The following ASIC2 variants were observed in gnomAD, a reference collection of about 807,000 sequenced individuals.
ASIC2 encodes the protein acid sensing ion channel subunit 2, also known as acid-sensing ion channel 2.
ASIC2 carries 25 observed loss-of-function variants against 57.3 expected under a neutral mutation model. The observed-to-expected ratio is 0.44, with a 90% CI of 0.32 to 0.61. The LOEUF (loss-of-function observed/expected upper bound fraction) is 0.61. ASIC2 is among the 20% of genes least tolerant of loss of function. The probability of loss-of-function intolerance (pLI) is 0.06; values close to 1 mark genes in which losing one functional copy is unlikely to be tolerated. For synonymous variants in ASIC2, 319 were observed against 307.5 expected (o/e 1.04, Z -0.39); for missense variants, 641 against 738.1 (o/e 0.87, Z 1.52).
At chr17:34,026,401 G>T (rs900747422) in intron 1 of ASIC2, among the ~76,000 whole-genome samples, 1 of 152,152 alleles carries the variant, frequency 6.6e-6, no homozygotes, top group Admixed American at 6.5e-5. Context: ...TAGATGATCC[G>T]TGCTCTGCCT....
At chr17:33,257,655 T>G (rs1427091777) in intron 1 of ASIC2, among the ~76,000 whole-genome samples, 1 of 152,174 alleles carries the variant, frequency 6.6e-6, no homozygotes, top group Non-Finnish European at 1.5e-5. Context: ...GGGCTCTCCA[T>G]GCACACAACC....
intron 1 of ASIC2, among the ~76,000 whole-genome samples, chr17:33,397,820 T>TTGATTTGTTGTACAGCAA: frequency 6.6e-6 from 1 of 152,370 alleles, no homozygotes; most frequent in African/African-American, 2.4e-5. Context: ...TCTACAACAC[T>TTGATTTGTTGTACAGCAA]TTGATTTGCT....
At chr17:33,224,495 A>G (rs979727559) in intron 1 of ASIC2, among the ~76,000 whole-genome samples, 2 of 152,198 alleles carry the variant, frequency 1.3e-5, no homozygotes, top group African/African-American at 4.8e-5. Flanking sequence ...CGATCAACAA[A>G]TTGGCTAAAA....
chr17:34,039,224 T>C lies in ASIC2; in HGVS notation c.555+116754A>G, dbSNP rs1050581198. 3.7e-6 allele frequency: 6 copies of C among 1,613,892 alleles called. No homozygotes were observed. In the African/African-American group the frequency reaches 8.0e-5, roughly 22 times the overall value. On this transcript the variant is annotated intron_variant, in intron 1 of 9. Transcript: ENST00000359872. ...TTCTTACTGTTTTCTAGTGCAGATA[T>C]TTTTTCTATTGTGAGGTCGGACTGG...
rs780543137 is a variant in ASIC2, at chr17:33,291,560, G to C, written c.556C>G (p.Arg186Gly). Residue 186 changes from arginine (R) to glycine (G), a missense_variant, in exon 1 of 10, where the codon CGC becomes GGC. Coordinates refer to ENST00000225823, the MANE Select transcript of ASIC2 (RefSeq NM_183377.2). ...AAGAGGCGGAAGTCCGCCAGCTTGC[G>C]GAACCACTGGCGGCGCGGCTCGTCG... Reference protein sequence around the residue: ...RGDEPRRQWFRKLADFRLFLP... With the variant: ...RGDEPRRQWFGKLADFRLFLP... The C allele has an allele frequency of 2.5e-6, 4 of 1,611,738 alleles. No homozygotes were observed. The highest frequency in any genetic ancestry group is 2.2e-5 in the East Asian group (1 of 44,822).
At chr17:33,946,697 A>G (rs1315005343) in intron 1 of ASIC2, among the ~76,000 whole-genome samples, 1 of 152,214 alleles carries the variant, frequency 6.6e-6, no homozygotes, top group African/African-American at 2.4e-5. Flanking sequence ...GTCTAAACCC[A>G]GAGTCAAAAT....
At chr17:33,840,799 C>A (rs988527767) in intron 1 of ASIC2, among the ~76,000 whole-genome samples, 2 of 147,482 alleles carry the variant, frequency 1.4e-5, no homozygotes, top group African/African-American at 5.0e-5. Flanking sequence ...CCTGGACACA[C>A]CACACACACA....
intron 1 of ASIC2, among the ~76,000 whole-genome samples, chr17:33,169,118 A>G (rs957654769): frequency 2.0e-5 from 3 of 152,206 alleles, no homozygotes; most frequent in African/African-American, 7.2e-5. Flanking sequence ...ATTCTAGCAC[A>G]GCATTTTTCT....
intron 1 of ASIC2, among the ~76,000 whole-genome samples, chr17:34,018,468 C>A (rs1907043912): frequency 6.6e-6 from 1 of 152,198 alleles, no homozygotes; most frequent in Admixed American, 6.5e-5. Flanking sequence ...GTAATTGTGA[C>A]TTTCAATTAT....
At chr17:33,331,341 A>G (rs1299388443) in intron 1 of ASIC2, among the ~76,000 whole-genome samples, 4 of 152,210 alleles carry the variant, frequency 2.6e-5, no homozygotes, top group Admixed American at 6.5e-5. Flanking sequence ...CATTGTCCAC[A>G]TAAAGAAACT....
At chr17:33,728,220 T>C (rs9901811) in intron 1 of ASIC2, among the ~76,000 whole-genome samples, 33,183 of 151,928 alleles carry the variant, frequency 0.22, 5,379 homozygotes, top group African/African-American at 0.46. Flanking sequence ...CCCAAGTCCC[T>C]GTAAGTTCAT....
chr17:33,610,051 G>GGCAC (rs1555547208), intron 1 of ASIC2, among the ~76,000 whole-genome samples: 5 of 110,788 alleles, frequency 4.5e-5, no homozygotes, highest in Non-Finnish European at 8.2e-5. Context: ...CCTGGACAGA[G>GGCAC]GCGCACACAC....
At chr17:33,207,639 G>C (rs1035439314) in intron 1 of ASIC2, among the ~76,000 whole-genome samples, 1 of 152,200 alleles carries the variant, frequency 6.6e-6, no homozygotes, top group Non-Finnish European at 1.5e-5. Context: ...TACCGCCTTG[G>C]ACTTAACCAT....
intron 3 of ASIC2, among the ~76,000 whole-genome samples, chr17:33,061,312 T>G (rs1375858272): frequency 6.6e-6 from 1 of 152,198 alleles, no homozygotes; most frequent in African/African-American, 2.4e-5. Flanking sequence ...CATAGATAGC[T>G]CTTATTATTT....
intron 1 of ASIC2, among the ~76,000 whole-genome samples, chr17:33,320,855 T>G (rs1906841503): frequency 6.6e-6 from 1 of 152,188 alleles, no homozygotes; most frequent in Admixed American, 6.5e-5. Flanking sequence ...TATAACTGAT[T>G]TTTTTGTGGG....
chr17:34,106,236 G>A (rs999454118), intron 1 of ASIC2, among the ~76,000 whole-genome samples: 4 of 152,044 alleles, frequency 2.6e-5, no homozygotes, highest in African/African-American at 7.2e-5. Flanking sequence ...TCCCTCATTG[G>A]TGATGTTAAT....
At chr17:33,353,773 TTATAA>T (rs1318970945) in intron 1 of ASIC2, among the ~76,000 whole-genome samples, 20 of 152,192 alleles carry the variant, frequency 1.3e-4, no homozygotes, top group Non-Finnish European at 1.6e-4. Flanking sequence ...TCTTTGGGTG[TTATAA>T]TAGAGTGATT....
chr17:33,584,564 A>G (rs953996873), intron 1 of ASIC2, among the ~76,000 whole-genome samples: 6 of 152,166 alleles, frequency 3.9e-5, no homozygotes, highest in South Asian at 2.1e-4. Context: ...GGGAGGTGGC[A>G]TGTGACTTGG....
chr17:34,037,759 C>T (rs938714307), intron 1 of ASIC2: 204 of 1,614,060 alleles, frequency 1.3e-4, no homozygotes, highest in Non-Finnish European at 1.7e-4. Flanking sequence ...CAATGCGGTC[C>T]TCCTTTCGGT....
Sources: gnomAD v4.1 joint callset for allele counts (sites outside exome capture counted in the v4.1 genomes callset) on GRCh38, gnomAD v4.1.1 for gene constraint, MANE v1.5 for transcripts, NCBI Gene and HGNC (gene_info 2026-07-23, HGNC 2026-07-21) for gene names.